ZNFX1: variants seen among roughly 807,000 people sequenced by gnomAD.
ZNFX1 encodes the protein NFX1-type zinc finger-containing protein 1.
ZNFX1 carries 78 observed loss-of-function variants against 179.8 expected under a neutral mutation model. That is an observed-to-expected ratio of 0.43 (90% CI 0.36 to 0.52). The LOEUF (loss-of-function observed/expected upper bound fraction) is 0.52, where lower values mean the gene tolerates loss of function less well. ZNFX1 is among the 20% of genes least tolerant of loss of function. The pLI, the probability that ZNFX1 is intolerant of heterozygous loss-of-function variation, is 0.00. For synonymous variants in ZNFX1, 848 were observed against 868.5 expected (o/e 0.98, Z 0.42); for missense variants, 1,927 against 2,386.6 (o/e 0.81, Z 4.01).
At position 49,248,888 on chromosome 20, in the gene ZNFX1, G is replaced by A. The variant is rs562248625; in HGVS notation, c.4136C>T (p.Ser1379Phe). The A allele has an allele frequency of 1.1e-5, 17 of 1,614,262 alleles. No individual in the cohort carries two copies. The African/African-American group carries it at 2.1e-4, about 20-fold the overall frequency. The change falls in exon 14 of 14, where the codon TCT (serine) becomes TTT (phenylalanine). Residue 1379 changes from serine to phenylalanine, a missense_variant. Coordinates refer to ENST00000396105, the MANE Select transcript of ZNFX1 (RefSeq NM_021035.3). This position sits in a 1 kb window ranked among gnomAD's most constrained non-coding sequence, Gnocchi z 4.6. ...GCTGCATCTGTGCCCACATCTCAGA[G>A]ACTTGGAGCAAGGCTCCTGGCAGCA... ...DFCCQEPCSK[S>F]LRCGHRCSHP...
At chr20:49,276,343 T>C (rs912386651) in intron 1 of ZNFX1, among the ~76,000 whole-genome samples, 6 of 152,242 alleles carry the variant, frequency 3.9e-5, no homozygotes, top group African/African-American at 1.2e-4. Context: ...CTGCCACTTA[T>C]ATAGTACCCA....
chr20:49,275,940 A>C (rs1601000292), intron 1 of ZNFX1, 53 bp from the exon 2 acceptor site: 5 of 1,168,562 alleles, frequency 4.3e-6, no homozygotes, highest in Admixed American at 3.7e-5. Flanking sequence ...AGCAGCAAAA[A>C]CCCAAACACC....
chr20:49,258,754 C>T (rs1327888536), intron 7 of ZNFX1, among the ~76,000 whole-genome samples: 3 of 151,960 alleles, frequency 2.0e-5, no homozygotes, highest in East Asian at 3.9e-4. Flanking sequence ...TGCAGTGAGC[C>T]GAGATCGTGC....
At position 49,249,436 on chromosome 20, in the gene ZNFX1, G is replaced by T. The variant is rs35722262; in HGVS notation, c.3588C>A (p.Leu1196=). 1 of 1,614,248 alleles carries T rather than the reference G, an allele frequency of 6.2e-7. No individual in the cohort carries two copies. Among genetic ancestry groups the T allele is most frequent in the Admixed American group, 1.7e-5 (1 of 60,030 alleles). Reference sequence around the variant, plus strand: ...CTTGGTTGCTCCGCACTAGCGAGAGGAGGATGATGTCATTCTCTTCCCCTT... The same window carrying T: ...CTTGGTTGCTCCGCACTAGCGAGAGTAGGATGATGTCATTCTCTTCCCCTT... ...KYQGEENDII[L]LSLVRSNQEG... is the part of the protein sequence containing the mutation. The change falls in exon 14 of 14, where the codon CTC becomes CTA. Residue 1196 remains leucine (L), a synonymous_variant. Transcript: ENST00000396105.
At position 49,270,533 on chromosome 20, in the gene ZNFX1, CTA is replaced by C; in HGVS notation, c.1277_1278del (p.Ile426SerfsTer7). 6.2e-7 allele frequency: 1 copy of C among 1,614,268 alleles called. No individual in the cohort carries two copies. The highest frequency in any genetic ancestry group is 1.6e-4 in the Middle Eastern group (1 of 6,062). On this transcript the variant is annotated frameshift_variant, in exon 3 of 14. Coordinates refer to ENST00000396105, the MANE Select transcript of ZNFX1 (RefSeq NM_021035.3). LOFTEE classifies it high-confidence loss of function. The surrounding 1 kb of genome is among the most constrained non-coding windows in gnomAD (Gnocchi z 4.6). ...TTTGTGTCAAACTGCACCTTGTAGA[CTA>C]TGCCTGATGATGAACACATGGGGGT... Reference protein sequence around the residue: ...IITPMCSSSGIVYKVQFDTKP... With the variant: ...IITPMCSSSGXVYKVQFDTKP...
chr20:49,275,951 A>G, intron 1 of ZNFX1, 64 bp from the exon 2 acceptor site: 1 of 997,344 alleles, frequency 1.0e-6, no homozygotes, highest in South Asian at 1.3e-5. Context: ...CCCAAACACC[A>G]TCAAGCCAGT....
At chr20:49,260,341 G>T (rs1051591857) in intron 7 of ZNFX1, 122 bp downstream of exon 7, 16 of 465,058 alleles carry the variant, frequency 3.4e-5, no homozygotes, top group Non-Finnish European at 5.1e-5. Flanking sequence ...TAAGCTATTT[G>T]TCTTTCTCTG....
chr20:49,276,999 GAAGAA>G (rs995181699), intron 1 of ZNFX1, among the ~76,000 whole-genome samples: 9 of 151,518 alleles, frequency 5.9e-5, no homozygotes, highest in African/African-American at 1.9e-4. Flanking sequence ...AAAAGAAACG[GAAGAA>G]AAGAAAAAAA....
chr20:49,277,435 G>T (rs1965119839), intron 1 of ZNFX1, among the ~76,000 whole-genome samples: 1 of 150,940 alleles, frequency 6.6e-6, no homozygotes, highest in Admixed American at 6.6e-5. Context: ...GGAGCAGGCT[G>T]AAGGGGGTGC....
In ZNFX1 at chr20:49,271,542, G is replaced by A. The variant is rs1163384782; in HGVS notation, c.270C>T (p.Asp90=). The A allele has an allele frequency of 3.1e-6, 5 of 1,613,980 alleles. No individual in the cohort carries two copies. The highest frequency in any genetic ancestry group is 1.1e-5 in the South Asian group (1 of 91,086). ...GGTCATGTCTTTGGTCTCTAGCTTC[G>A]TCGCTGGCATGCCCCTCCTGGTTCC... ...GRRNQEGHAS[D]EARDQRHDQE... Residue 90 remains aspartate, a synonymous_variant, in exon 3 of 14, where the codon GAC becomes GAT. Coordinates refer to ENST00000396105, the MANE Select transcript of ZNFX1 (RefSeq NM_021035.3).
At position 49,248,919 on chromosome 20, in the gene ZNFX1, C is replaced by A. The variant is rs144979097; in HGVS notation, c.4105G>T (p.Asp1369Tyr). 8.9e-5 allele frequency: 144 copies of A among 1,614,164 alleles called. No individual in the cohort carries two copies. The highest frequency in any genetic ancestry group is 1.1e-4 in the Non-Finnish European group (127 of 1,180,066). ...GAGCAAGGCTCCTGGCAGCAGAAATCTGACTCAGGCACGGAACAAGGGACC... is the reference window on the plus strand; with the variant it reads ...GAGCAAGGCTCCTGGCAGCAGAAATATGACTCAGGCACGGAACAAGGGACC... ...QMVPCSVPES[D>Y]FCCQEPCSKS... Residue 1369 changes from aspartate to tyrosine, a missense_variant, in exon 14 of 14, where the codon GAT (aspartate) becomes TAT (tyrosine). Coordinates refer to ENST00000396105, the MANE Select transcript of ZNFX1 (RefSeq NM_021035.3). This position sits in a 1 kb window ranked among gnomAD's most constrained non-coding sequence, Gnocchi z 4.6.
Position 49,271,281 on chromosome 20 carries a change from A to T in ZNFX1, c.531T>A (p.Ser177=). The T allele has an allele frequency of 6.2e-7, 1 of 1,614,262 alleles. No individual in the cohort carries two copies. The highest frequency in any genetic ancestry group is 8.5e-7 in the Non-Finnish European group (1 of 1,180,052). The change falls in exon 3 of 14, where the codon TCT becomes TCA. Residue 177 remains serine (S), a synonymous_variant. Transcript: ENST00000396105. ...GCTCAAGGAAGTTAGATTTCATGGA[A>T]GAATGAGAAAGGAGCTCTTTCAGCC... is the stretch of plus-strand genomic sequence containing the variant. ...SLGLKELLSH[S]SMKSNFLELI... is the part of the protein sequence containing the mutation.
At chr20:49,249,833 TC>T in intron 13 of ZNFX1, 122 bp from the exon 14 acceptor site, 1 of 1,012,936 alleles carries the variant, frequency 9.9e-7, no homozygotes, top group Non-Finnish European at 1.4e-6. Flanking sequence ...AAGCTTTTTG[TC>T]CACTCAACAT....
At position 49,271,773 on chromosome 20, in the gene ZNFX1, T is replaced by C. The variant is rs901602027; in HGVS notation, c.62-23A>G. On this transcript the variant is annotated intron_variant, in intron 2 of 13. Coordinates refer to ENST00000396105, the MANE Select transcript of ZNFX1 (RefSeq NM_021035.3). ...GGCCTAAACACAATGAAATATTGAG[T>C]AACCACAAGAACCAAGTTCTGTTGG... The C allele has an allele frequency of 3.2e-6, 5 of 1,568,164 alleles. No individual in the cohort carries two copies. In the African/African-American group the frequency reaches 6.9e-5, roughly 21 times the overall value.
In ZNFX1 at chr20:49,264,759, A is replaced by C. The variant is rs767902702; in HGVS notation, c.2108T>G (p.Phe703Cys). ...TLRELRNKRE[F>C]RRNLPMHLRR... Reference sequence around the variant, plus strand: ...GAGGTGCATGGGGAGGTTGCGGCGGAATTCCCGCTTGTTCCTCAGCTCCCT... The same window carrying C: ...GAGGTGCATGGGGAGGTTGCGGCGGCATTCCCGCTTGTTCCTCAGCTCCCT... The change falls in exon 5 of 14, where the codon TTC (phenylalanine) becomes TGC (cysteine). Residue 703 changes from phenylalanine to cysteine, a missense_variant. Coordinates refer to ENST00000396105, the MANE Select transcript of ZNFX1 (RefSeq NM_021035.3). The C allele has an allele frequency of 6.2e-7, 1 of 1,614,138 alleles. No individual in the cohort carries two copies. Among genetic ancestry groups the C allele is most frequent in the East Asian group, 2.2e-5 (1 of 44,886 alleles).
At chr20:49,262,647 G>T (rs1458686091) in intron 6 of ZNFX1, among the ~76,000 whole-genome samples, 2 of 152,090 alleles carry the variant, frequency 1.3e-5, no homozygotes, top group African/African-American at 4.8e-5. Flanking sequence ...CTTTTGGTTT[G>T]TAATCCTGTA....
rs866418602 is a variant in ZNFX1, at chr20:49,275,811, G to C, written c.29C>G (p.Ala10Gly). Reference protein sequence around the residue: MEERRPHLDARPRNSHTNHR... With the variant: MEERRPHLDGRPRNSHTNHR... ...GTTGGTATGGGAATTCCTGGGCCTG[G>C]CATCCAGATGAGGTCTTCTCTCCTC... The change falls in exon 2 of 14, where the codon GCC becomes GGC. Residue 10 changes from alanine (A) to glycine (G), a missense_variant. Physicochemically the swap from Ala to Gly is moderately conservative, Grantham distance 60. Coordinates refer to ENST00000396105, the MANE Select transcript of ZNFX1 (RefSeq NM_021035.3). 2.5e-6 allele frequency: 4 copies of C among 1,614,068 alleles called. No individual in the cohort carries two copies. The highest frequency in any genetic ancestry group is 3.4e-6 in the Non-Finnish European group (4 of 1,179,990).
Position 49,270,366 on chromosome 20 carries a change from G to A in ZNFX1, c.1446C>T (p.Val482=), listed in dbSNP as rs776842721. 1 of 1,614,212 alleles carries A rather than the reference G, an allele frequency of 6.2e-7. No individual in the cohort carries two copies. Among genetic ancestry groups the A allele is most frequent in the Non-Finnish European group, 8.5e-7 (1 of 1,180,048 alleles). The change falls in exon 3 of 14, where the codon GTC becomes GTT. Residue 482 remains valine, a synonymous_variant. Coordinates refer to ENST00000396105, the MANE Select transcript of ZNFX1 (RefSeq NM_021035.3). The surrounding 1 kb of genome is among the most constrained non-coding windows in gnomAD (Gnocchi z 4.6). ...REQEDLCRGI[V]QLCFNEQSQQ... Reference sequence around the variant, plus strand: ...GGCTTTGCTCATTGAAGCAGAGCTGGACAATTCCTCGGCAGAGATCTTCCT... The same window carrying A: ...GGCTTTGCTCATTGAAGCAGAGCTGAACAATTCCTCGGCAGAGATCTTCCT...
chr20:49,248,996 G>C lies in ZNFX1; in HGVS notation c.4028C>G (p.Pro1343Arg). Residue 1343 changes from proline (P) to arginine (R), a missense_variant, in exon 14 of 14, where the codon CCT (proline) becomes CGT (arginine). Coordinates refer to ENST00000396105, the MANE Select transcript of ZNFX1 (RefSeq NM_021035.3). The surrounding 1 kb of genome is among the most constrained non-coding windows in gnomAD (Gnocchi z 4.6). ...CPLVCFQECQ[P>R]CQVKVPKTIP... is the part of the protein sequence containing the mutation. ...GGTTTTGGGCACCTTCACCTGACAA[G>C]GCTGACACTCCTGGAAGCAAACAAG... 1 of 1,614,180 alleles carries C rather than the reference G, an allele frequency of 6.2e-7. No homozygotes were observed. Among genetic ancestry groups the C allele is most frequent in the South Asian group, 1.1e-5 (1 of 91,082 alleles).
Sources: allele counts gnomAD v4.1 joint callset (sites outside exome capture counted in the v4.1 genomes callset), GRCh38; gene constraint gnomAD v4.1.1; non-coding constraint Gnocchi (gnomAD v3.1); transcripts MANE v1.5; gene names NCBI Gene and HGNC (gene_info 2026-07-23, HGNC 2026-07-21).